Variants in ABHD12 observed in about 807,000 individuals in gnomAD.
ABHD12 encodes the protein abhydrolase domain containing 12, lysophospholipase, also known as lysophosphatidylserine lipase ABHD12.
In ABHD12, 43 loss-of-function variants were observed where a neutral mutation model predicts 58.3. The ratio of observed to expected loss-of-function variants is 0.74; its 90% CI spans 0.58 to 0.95. The LOEUF (loss-of-function observed/expected upper bound fraction) is 0.95, where lower values mean the gene tolerates loss of function less well. ABHD12 is among the 40% of genes least tolerant of loss of function. The pLI is 0.00. For synonymous variants in ABHD12, 219 were observed against 211.2 expected, an observed-to-expected ratio of 1.04 and a Z score of -0.32; for missense variants, 539 against 537.2, an observed-to-expected ratio of 1.00 and a Z score of -0.03.
At position 25,339,592 on chromosome 20, in the gene ABHD12, T is replaced by A. The variant is rs6050544; in HGVS notation, c.192-241A>T. ...GAGGAACTTTTTTTCTTGAAAGACA[T>A]AGAAATAGCTAATGATTTCTTACAC... On this transcript the variant is annotated intron_variant, in intron 1 of 12. Transcript: ENST00000339157. 822,298 of 1,475,012 alleles carry A rather than the reference T, an allele frequency of 0.56. 234,969 individuals carry two copies. Among genetic ancestry groups the A allele is most frequent in the Admixed American group, 0.67 (37,386 of 55,578 alleles). 91.4% of individuals were successfully genotyped at this position (1,475,012 alleles called of 1,614,324 possible).
downstream of ABHD12, chr20:25,297,439 C>G (rs898791831): frequency 6.6e-6 from 1 of 152,498 alleles, no homozygotes; most frequent in Non-Finnish European, 1.5e-5. Context: ...CCTGCTGTGT[C>G]CTGAGGTGCA....
chr20:25,356,446 G>A lies in ABHD12; in HGVS notation c.192-17095C>T, dbSNP rs573485953. 1.9e-3 allele frequency among the ~76,000 whole-genome samples: 292 copies of A among 152,376 alleles called. 1 individual carries two copies. The highest frequency in any genetic ancestry group is 1.1e-3 in the Non-Finnish European group (76 of 68,046). On this transcript the variant is annotated intron_variant, in intron 1 of 12. Coordinates refer to ENST00000339157, the MANE Select transcript of ABHD12 (RefSeq NM_001042472.3). ...CTTGCAGGGTGCAGGTCCCTCTGTG[G>A]ATATCCCTTAGATTACAGGACTGGG...
intron 6 of ABHD12, among the ~76,000 whole-genome samples, chr20:25,310,786 G>C (rs558562012): frequency 6.6e-6 from 1 of 152,156 alleles, no homozygotes; most frequent in Non-Finnish European, 1.5e-5. Flanking sequence ...AGAAGGATGC[G>C]GACAAAGAGG....
intron 1 of ABHD12, among the ~76,000 whole-genome samples, chr20:25,354,941 C>T (rs1195591855): frequency 6.6e-6 from 1 of 152,194 alleles, no homozygotes; most frequent in Admixed American, 6.5e-5. Context: ...TCTTCTCTTT[C>T]TGTACTTTCT....
At chr20:25,304,657 T>A (rs1438632104) in intron 10 of ABHD12, among the ~76,000 whole-genome samples, 3 of 152,222 alleles carry the variant, frequency 2.0e-5, no homozygotes, top group Non-Finnish European at 4.4e-5. Flanking sequence ...AACCTCTGCC[T>A]CCTGGGTTCA....
intron 5 of ABHD12, among the ~76,000 whole-genome samples, chr20:25,315,225 G>C (rs1263686335): frequency 6.6e-6 from 1 of 151,910 alleles, no homozygotes; most frequent in Non-Finnish European, 1.5e-5. Context: ...TTAGACGCTA[G>C]GGGGCCAGGA....
intron 1 of ABHD12, among the ~76,000 whole-genome samples, chr20:25,386,105 A>T (rs998612044): frequency 2.6e-4 from 40 of 151,344 alleles, no homozygotes; most frequent in South Asian, 6.2e-4. Flanking sequence ...CGTCTCAAAA[A>T]AATAATAATA....
At chr20:25,319,468 T>TCA (rs766467158) in intron 4 of ABHD12, among the ~76,000 whole-genome samples, 2 of 152,172 alleles carry the variant, frequency 1.3e-5, no homozygotes, top group African/African-American at 2.4e-5. Flanking sequence ...CCTGGTGCTT[T>TCA]CAGCCTCTCC....
intron 1 of ABHD12, among the ~76,000 whole-genome samples, chr20:25,351,401 C>CTT (rs2089598375): frequency 2.6e-5 from 4 of 152,228 alleles, no homozygotes; most frequent in Admixed American, 2.0e-4. Context: ...TTCCACTGTA[C>CTT]TTAAGAGTTT....
In ABHD12 at chr20:25,330,321, G is replaced by A. The variant is rs28551104; in HGVS notation, c.317-6891C>T. ...ATGGCTCGGAGGGTCCTACGCCCAC[G>A]GAGTCTCGCTGATTGCTAGCACAGC... On this transcript the variant is annotated intron_variant, in intron 2 of 12. Coordinates refer to ENST00000339157, the MANE Select transcript of ABHD12 (RefSeq NM_001042472.3). 6.6e-3 allele frequency among the ~76,000 whole-genome samples: 1,007 copies of A among 152,340 alleles called. 17 individuals are homozygous for A. Among genetic ancestry groups the A allele is most frequent in the African/African-American group, 0.023 (961 of 41,582 alleles).
chr20:25,304,993 C>T (rs1450786619), intron 10 of ABHD12, among the ~76,000 whole-genome samples: 4 of 152,022 alleles, frequency 2.6e-5, no homozygotes, highest in Non-Finnish European at 5.9e-5. Flanking sequence ...CTGCCTCAGC[C>T]TCCCGAGTAG....
At chr20:25,303,201 C>G (rs1348361183) in intron 11 of ABHD12, 14 of 1,198,350 alleles carry the variant, frequency 1.2e-5, no homozygotes, top group Non-Finnish European at 1.5e-5. Context: ...CTGATGAGCC[C>G]TTCCAGCTGA....
chr20:25,381,521 T>C (rs1278013995), intron 1 of ABHD12, among the ~76,000 whole-genome samples: 2 of 152,072 alleles, frequency 1.3e-5, no homozygotes, highest in Admixed American at 1.3e-4. Flanking sequence ...GGATGGACCC[T>C]ATATGCACGA....
At chr20:25,348,926 CAAA>C (rs1013116515) in intron 1 of ABHD12, among the ~76,000 whole-genome samples, 1 of 150,600 alleles carries the variant, frequency 6.6e-6, no homozygotes, top group Non-Finnish European at 1.5e-5. Flanking sequence ...ACTAAAAATA[CAAA>C]AAAAATTAGC....
intron 1 of ABHD12, among the ~76,000 whole-genome samples, chr20:25,383,326 T>G (rs1327655672): frequency 1.3e-5 from 2 of 152,332 alleles, no homozygotes; most frequent in Admixed American, 6.5e-5. Context: ...GAGGGTGATC[T>G]GGCTATGAAA....
At chr20:25,387,336 A>G (rs2090104467) in intron 1 of ABHD12, among the ~76,000 whole-genome samples, 1 of 151,878 alleles carries the variant, frequency 6.6e-6, no homozygotes, top group South Asian at 2.1e-4. Flanking sequence ...CGTGACAGGG[A>G]GATCACTTGA....
intron 2 of ABHD12, among the ~76,000 whole-genome samples, chr20:25,334,042 G>T (rs1354117571): frequency 3.9e-5 from 6 of 151,966 alleles, no homozygotes; most frequent in East Asian, 1.9e-4. Flanking sequence ...ATGACATGAT[G>T]GTATATCTAG....
chr20:25,375,119 A>G (rs2089946816), intron 1 of ABHD12, among the ~76,000 whole-genome samples: 1 of 152,222 alleles, frequency 6.6e-6, no homozygotes, highest in African/African-American at 2.4e-5. Flanking sequence ...AGGTTAGACC[A>G]TATGAAGACA....
At chr20:25,322,381 A>ATATATATATATATATATATATATATTT in intron 3 of ABHD12, among the ~76,000 whole-genome samples, 3 of 59,258 alleles carry the variant, frequency 5.1e-5, no homozygotes, top group African/African-American at 1.7e-4. Flanking sequence ...ATATATATAT[A>ATATATATATATATATATATATATATTT]TTTTTTTTTT....
Sources: gnomAD v4.1 joint callset for allele counts (sites outside exome capture counted in the v4.1 genomes callset) on GRCh38, gnomAD v4.1.1 for gene constraint, MANE v1.5 for transcripts, NCBI Gene and HGNC (gene_info 2026-07-23, HGNC 2026-07-21) for gene names.